ADGRL2: variants seen among roughly 807,000 people sequenced by gnomAD.
ADGRL2 encodes calcium-independent alpha-latrotoxin receptor 2.
A neutral mutation model predicts 157.4 loss-of-function variants in ADGRL2; 44 were observed. That is an observed-to-expected ratio of 0.28 (90% CI 0.22 to 0.36). ADGRL2 has a LOEUF of 0.36. ADGRL2 is among the 10% of genes least tolerant of loss of function. The pLI is 1.00. For synonymous variants in ADGRL2, 585 were observed against 624.7 expected, an observed-to-expected ratio of 0.94 and a Z score of 0.95; for missense variants, 1,510 against 1,768.9, an observed-to-expected ratio of 0.85 and a Z score of 2.63.
chr1:81,473,111 G>C (rs187334997), intron 2 of ADGRL2, among the ~76,000 whole-genome samples: 1,987 of 150,904 alleles, frequency 0.013, 65 homozygotes, highest in East Asian at 0.12. Flanking sequence ...AGAGCAGAAG[G>C]AGGATGAGGA....
chr1:81,851,091 A>C (rs1049274556), intron 2 of ADGRL2, among the ~76,000 whole-genome samples: 4 of 151,964 alleles, frequency 2.6e-5, no homozygotes, highest in African/African-American at 9.7e-5. Context: ...GTGTCCATGC[A>C]TGCATAGTGT....
At chr1:81,738,297 T>C (rs1194437863) in intron 1 of ADGRL2, among the ~76,000 whole-genome samples, 1 of 152,176 alleles carries the variant, frequency 6.6e-6, no homozygotes, top group Non-Finnish European at 1.5e-5. Flanking sequence ...GAGTGAGACT[T>C]CATCCTTTTA....
chr1:81,401,567 T>C (rs536736831), intron 1 of ADGRL2, among the ~76,000 whole-genome samples: 102 of 152,298 alleles, frequency 6.7e-4, no homozygotes, highest in Non-Finnish European at 1.1e-3. Context: ...ATATAGTTTA[T>C]TTGTTGTTTT....
chr1:81,850,824 T>C (rs4970681), intron 2 of ADGRL2, among the ~76,000 whole-genome samples: 46,287 of 136,556 alleles, frequency 0.34, 7,526 homozygotes, highest in Middle Eastern at 0.51. Flanking sequence ...TTTGTTGTTG[T>C]TGCTGTTGTT....
At position 81,445,788 on chromosome 1, in the gene ADGRL2, C is replaced by T. The variant is rs185057145; in HGVS notation, c.-248+699C>T. Among the ~76,000 whole-genome samples, 394 of 152,302 alleles carry T rather than the reference C, an allele frequency of 2.6e-3. 2 individuals carry two copies. The highest frequency in any genetic ancestry group is 9.1e-3 in the African/African-American group (377 of 41,580). On this transcript the variant is annotated intron_variant, in intron 2 of 24. Transcript: ENST00000370721. ...CATTTACCAGCTATGTGGCTGTGGG[C>T]TCCACATTCTTATTTGCAAAATGGG...
chr1:81,719,274 G>A (rs191466051), intron 1 of ADGRL2, among the ~76,000 whole-genome samples: 6 of 152,316 alleles, frequency 3.9e-5, no homozygotes, highest in Admixed American at 1.3e-4. Context: ...GCCACCATCC[G>A]TTCCTCACAA....
chr1:81,490,924 A>G (rs1002743696), intron 2 of ADGRL2, among the ~76,000 whole-genome samples: 3 of 152,218 alleles, frequency 2.0e-5, no homozygotes, highest in African/African-American at 7.2e-5. Flanking sequence ...AAAACAGTGA[A>G]GTATTCTAAA....
intron 2 of ADGRL2, among the ~76,000 whole-genome samples, chr1:81,884,347 A>G (rs2094071687): frequency 6.6e-6 from 1 of 152,132 alleles, no homozygotes; most frequent in South Asian, 2.1e-4. Flanking sequence ...GAATCTTGCT[A>G]CTTTTTTCTG....
Position 81,836,876 on chromosome 1 carries a change from G to GT in ADGRL2, c.-100-4dup. 1 of 641,342 alleles carries GT rather than the reference G, an allele frequency of 1.6e-6. No individual in the cohort carries two copies. Among genetic ancestry groups the GT allele is most frequent in the Non-Finnish European group, 2.7e-6 (1 of 366,572 alleles). The allele number at this position is 641,342 out of a possible 1,614,324, so 39.7% of individuals were successfully genotyped here. A position where few individuals can be genotyped will look rare whatever the true frequency, so the allele number is the denominator to read the frequency against. On this transcript the variant is annotated splice_polypyrimidine_tract_variant and intron_variant, in intron 1 of 23. Coordinates refer to ENST00000686636, the MANE Select transcript of ADGRL2 (RefSeq NM_001366006.2). ...CATAGAGTAAGTGATGGATTTGTTT[G>GT]TTTTTCAGATATGAAGATCAATGAT...
chr1:81,389,044 A>G (rs944615644), intron 1 of ADGRL2, among the ~76,000 whole-genome samples: 4 of 152,144 alleles, frequency 2.6e-5, no homozygotes, highest in Non-Finnish European at 5.9e-5. Flanking sequence ...CTTAAGCACT[A>G]CATTCTCAAC....
chr1:81,611,892 G>T (rs2081548679), intron 3 of ADGRL2, among the ~76,000 whole-genome samples: 1 of 152,024 alleles, frequency 6.6e-6, no homozygotes, highest in South Asian at 2.1e-4. Context: ...TGGTGAGGGA[G>T]TTCTCACGAG....
chr1:81,408,482 C>T (rs1288483554), intron 1 of ADGRL2, among the ~76,000 whole-genome samples: 1 of 145,542 alleles, frequency 6.9e-6, no homozygotes, highest in Non-Finnish European at 1.5e-5. Flanking sequence ...AAGTTTACAC[C>T]TAACATTAGC....
chr1:81,450,511 T>G (rs759013149), intron 2 of ADGRL2, among the ~76,000 whole-genome samples: 3 of 152,112 alleles, frequency 2.0e-5, no homozygotes, highest in Non-Finnish European at 4.4e-5. Context: ...GAGCCAGGAT[T>G]TGAACCCACA....
At position 81,899,337 on chromosome 1, in the gene ADGRL2, T is replaced by TA. The variant is rs147889626; in HGVS notation, c.74-7679dup. On this transcript the variant is annotated intron_variant, in intron 2 of 23. Transcript: ENST00000686636. Reference sequence around the variant, plus strand: ...AATGATAGAATTTCAATTCTGGTCTTACAAATTCCCATCCGGTAGCAGTGC... The same window carrying TA: ...AATGATAGAATTTCAATTCTGGTCTTAACAAATTCCCATCCGGTAGCAGTGC... 4.3e-3 allele frequency among the ~76,000 whole-genome samples: 662 copies of TA among 152,326 alleles called. 4 individuals are homozygous for TA. The highest frequency in any genetic ancestry group is 0.015 in the African/African-American group (638 of 41,572).
At chr1:81,313,408 T>C (rs1039801929) in intron 1 of ADGRL2, among the ~76,000 whole-genome samples, 6 of 152,230 alleles carry the variant, frequency 3.9e-5, no homozygotes, top group African/African-American at 1.4e-4. Flanking sequence ...ATTCTGCTTC[T>C]CAGGTCTTGA....
chr1:81,695,303 A>AT (rs1318820618), upstream of ADGRL2, among the ~76,000 whole-genome samples: 1 of 151,900 alleles, frequency 6.6e-6, no homozygotes, highest in African/African-American at 2.4e-5. Context: ...AAATATATTC[A>AT]TTTTAATAAA....
At chr1:81,818,625 G>A (rs1394310323) in intron 1 of ADGRL2, among the ~76,000 whole-genome samples, 1 of 152,038 alleles carries the variant, frequency 6.6e-6, no homozygotes, top group Non-Finnish European at 1.5e-5. Flanking sequence ...TATTAATTTT[G>A]TTTAGATCAA....
At chr1:81,385,557 T>C (rs897801259) in intron 1 of ADGRL2, among the ~76,000 whole-genome samples, 1 of 151,314 alleles carries the variant, frequency 6.6e-6, no homozygotes, top group Non-Finnish European at 1.5e-5. Flanking sequence ...AAATATTTCC[T>C]AATACACAGG....
At chr1:81,480,688 C>T (rs746287672) in intron 2 of ADGRL2, among the ~76,000 whole-genome samples, 26 of 152,208 alleles carry the variant, frequency 1.7e-4, no homozygotes, top group South Asian at 2.1e-4. Flanking sequence ...ACTTATATAA[C>T]GACTAAGTGG....
Sources: allele counts gnomAD v4.1 joint callset (sites outside exome capture counted in the v4.1 genomes callset), GRCh38; gene constraint gnomAD v4.1.1; transcripts MANE v1.5; gene names NCBI Gene and HGNC (gene_info 2026-07-23, HGNC 2026-07-21).